PRICKLE2: variants seen among roughly 807,000 people sequenced by gnomAD.
PRICKLE2 encodes prickle planar cell polarity protein 2, also known as prickle-like protein 2.
A neutral mutation model predicts 81.4 loss-of-function variants in PRICKLE2; 21 were observed. The observed-to-expected ratio is 0.26, with a 90% CI of 0.18 to 0.37. PRICKLE2 has a LOEUF of 0.37. PRICKLE2 is among the 10% of genes least tolerant of loss of function. The pLI is 1.00. For synonymous variants in PRICKLE2, 456 were observed against 421.5 expected (o/e 1.08, Z -1.00); for missense variants, 940 against 1,109.0 (o/e 0.85, Z 2.16).
chr3:64,107,712 T>G (rs561327120), intron 7 of PRICKLE2, among the ~76,000 whole-genome samples: 1 of 152,298 alleles, frequency 6.6e-6, no homozygotes, highest in Admixed American at 6.5e-5. Flanking sequence ...CCAGGCATAG[T>G]GGTGTGCACC....
intron 7 of PRICKLE2, among the ~76,000 whole-genome samples, chr3:64,135,694 TCACACACA>T (rs9311884): frequency 0.052 from 7,794 of 149,668 alleles, 642 homozygotes; most frequent in African/African-American, 0.18. Flanking sequence ...CGATCACAGA[TCACACACA>T]CACACACACA....
upstream of PRICKLE2, among the ~76,000 whole-genome samples, chr3:64,230,241 G>A (rs1575693025): frequency 3.3e-5 from 5 of 152,146 alleles, no homozygotes; most frequent in African/African-American, 1.2e-4. Flanking sequence ...AGTAATGTCT[G>A]CCATAGCTGT....
At chr3:64,191,335 G>A (rs1434851459) in intron 2 of PRICKLE2, among the ~76,000 whole-genome samples, 1 of 152,134 alleles carries the variant, frequency 6.6e-6, no homozygotes, top group Non-Finnish European at 1.5e-5. Flanking sequence ...AAGAAAGATG[G>A]GAAGGAAACA....
intron 2 of PRICKLE2, among the ~76,000 whole-genome samples, chr3:64,242,672 A>G (rs1380133228): frequency 6.6e-6 from 1 of 152,154 alleles, no homozygotes; most frequent in African/African-American, 2.4e-5. Flanking sequence ...TCCTCCCCCT[A>G]CACTCACATT....
chr3:64,130,429 A>C (rs552817818), intron 7 of PRICKLE2, among the ~76,000 whole-genome samples: 2 of 152,192 alleles, frequency 1.3e-5, no homozygotes, highest in Non-Finnish European at 2.9e-5. Context: ...TGGTCTATCT[A>C]ACGCTCAAGA....
chr3:64,167,733 A>G (rs1157793123), intron 2 of PRICKLE2, among the ~76,000 whole-genome samples: 1 of 151,758 alleles, frequency 6.6e-6, no homozygotes, highest in African/African-American at 2.4e-5. Context: ...TTTTTTTTTT[A>G]TAAAGAAGTG....
At chr3:64,248,464 T>A (rs1223609651) in intron 2 of PRICKLE2, among the ~76,000 whole-genome samples, 2 of 152,194 alleles carry the variant, frequency 1.3e-5, no homozygotes, top group African/African-American at 4.8e-5. Flanking sequence ...AGTTGCAGGC[T>A]AATGATTAAA....
At position 64,092,435 on chromosome 3, in the gene PRICKLE2, A is replaced by G. The variant is rs2076521449; in HGVS notation, c.*6616T>C. On this transcript the variant is annotated 3_prime_UTR_variant, in exon 8 of 8. Transcript: ENST00000638394. ...GGGATTTTTGTTTGTTTTGCACATTATTGTATTCCAAGCACCTAGAACGGT... is the reference window on the plus strand; with the variant it reads ...GGGATTTTTGTTTGTTTTGCACATTGTTGTATTCCAAGCACCTAGAACGGT... The G allele has an allele frequency of 6.6e-6, 1 of 152,196 alleles. No individual in the cohort carries two copies. The highest frequency in any genetic ancestry group is 2.1e-4 in the South Asian group (1 of 4,834). 9.4% of individuals were successfully genotyped at this position (152,196 alleles called of 1,614,324 possible). A position where few individuals can be genotyped will look rare whatever the true frequency, so the allele number is the denominator to read the frequency against.
At chr3:64,212,956 T>C (rs1434931252) in intron 1 of PRICKLE2, among the ~76,000 whole-genome samples, 1 of 152,184 alleles carries the variant, frequency 6.6e-6, no homozygotes, top group African/African-American at 2.4e-5. Flanking sequence ...AAATCCTTAG[T>C]GTACACTTAA....
intron 2 of PRICKLE2, among the ~76,000 whole-genome samples, chr3:64,258,274 G>A (rs2079557857): frequency 6.6e-6 from 1 of 152,186 alleles, no homozygotes; most frequent in African/African-American, 2.4e-5. Context: ...GTACTAGAAT[G>A]TCTGTAACAG....
At chr3:64,171,084 T>C (rs113282055) in intron 2 of PRICKLE2, among the ~76,000 whole-genome samples, 1,801 of 152,280 alleles carry the variant, frequency 0.012, 47 homozygotes, top group African/African-American at 0.04. Context: ...TTGCTGTTCC[T>C]TTCACCTCAT....
intron 2 of PRICKLE2, among the ~76,000 whole-genome samples, chr3:64,261,369 C>T (rs2079612852): frequency 6.6e-6 from 1 of 152,072 alleles, no homozygotes; most frequent in African/African-American, 2.4e-5. Context: ...TTTAGGGAGC[C>T]CTCCTAGAAG....
intron 2 of PRICKLE2, among the ~76,000 whole-genome samples, chr3:64,183,616 T>C (rs1281124535): frequency 2.0e-5 from 3 of 152,214 alleles, no homozygotes; most frequent in Admixed American, 1.3e-4. Flanking sequence ...TTATGAAAGC[T>C]ATAGAGTATA....
At chr3:64,105,211 A>G (rs2076735967) in intron 7 of PRICKLE2, among the ~76,000 whole-genome samples, 1 of 152,036 alleles carries the variant, frequency 6.6e-6, no homozygotes, top group African/African-American at 2.4e-5. Context: ...TCATTTCTGA[A>G]CACTCCTTCT....
intron 1 of PRICKLE2, among the ~76,000 whole-genome samples, chr3:64,207,252 T>C (rs1033674763): frequency 2.0e-5 from 3 of 152,198 alleles, no homozygotes; most frequent in Non-Finnish European, 4.4e-5. Flanking sequence ...CTCCTTATTA[T>C]ACTTATTATA....
chr3:64,259,543 T>A (rs1186146156), intron 2 of PRICKLE2, among the ~76,000 whole-genome samples: 1 of 152,178 alleles, frequency 6.6e-6, no homozygotes, highest in Non-Finnish European at 1.5e-5. Flanking sequence ...CCCAAATATA[T>A]GTCCATGTCC....
intron 2 of PRICKLE2, among the ~76,000 whole-genome samples, chr3:64,232,414 T>C (rs1446520543): frequency 6.6e-6 from 1 of 152,224 alleles, no homozygotes; most frequent in East Asian, 1.9e-4. Flanking sequence ...AGAATACCTC[T>C]CTGTTCATTT....
chr3:64,128,486 G>A (rs1487242677), intron 7 of PRICKLE2, among the ~76,000 whole-genome samples: 2 of 152,108 alleles, frequency 1.3e-5, no homozygotes, highest in Non-Finnish European at 2.9e-5. Flanking sequence ...GGTGGCCAAC[G>A]CCTGTAATCC....
intron 2 of PRICKLE2, among the ~76,000 whole-genome samples, chr3:64,252,376 G>A (rs1296443466): frequency 6.6e-6 from 1 of 152,144 alleles, no homozygotes; most frequent in African/African-American, 2.4e-5. Flanking sequence ...TGCTATGGGG[G>A]CCAGCTGGAA....
Sources: gnomAD v4.1 joint callset for allele counts (sites outside exome capture counted in the v4.1 genomes callset) on GRCh38, gnomAD v4.1.1 for gene constraint, MANE v1.5 for transcripts, NCBI Gene and HGNC (gene_info 2026-07-23, HGNC 2026-07-21) for gene names.